The following GALNT9 variants were observed in gnomAD, a reference collection of about 807,000 sequenced individuals.
The protein encoded by GALNT9 is GalNAc transferase 9.
Under a neutral mutation model 63.1 loss-of-function variants are expected in GALNT9, and 47 were observed. The observed-to-expected ratio is 0.75, with a 90% CI of 0.59 to 0.95. GALNT9 has a LOEUF of 0.95. GALNT9 is among the 40% of genes least tolerant of loss of function. The pLI, the probability that GALNT9 is intolerant of heterozygous loss-of-function variation, is 0.00. For synonymous variants in GALNT9, 396 were observed against 365.7 expected, an observed-to-expected ratio of 1.08 and a Z score of -0.94; for missense variants, 829 against 874.8, an observed-to-expected ratio of 0.95 and a Z score of 0.66.
intron 1 of GALNT9, among the ~76,000 whole-genome samples, chr12:132,293,846 A>G (rs1555243001): frequency 6.6e-6 from 1 of 152,122 alleles, no homozygotes; most frequent in Non-Finnish European, 1.5e-5. Context: ...GATCCCGTGT[A>G]GAGTCAGGGC....
intron 6 of GALNT9, chr12:132,240,861 C>G: frequency 2.6e-6 from 1 of 386,676 alleles, no homozygotes; most frequent in African/African-American, 2.1e-5. Context: ...CACCCCCTTC[C>G]CAGGGCCGTC....
chr12:132,211,414 C>T lies in GALNT9; in HGVS notation c.1078-7724G>A, dbSNP rs556406347. ...ATGATTTAAAGTTCATGATCCGAAA[C>T]TGTAATTACTTTTGCACCGACCTAG... On this transcript the variant is annotated intron_variant, in intron 6 of 10. Coordinates refer to ENST00000328957, the MANE Select transcript of GALNT9 (RefSeq NM_001122636.2). Among the ~76,000 whole-genome samples, 8 of 152,296 alleles carry T rather than the reference C, an allele frequency of 5.3e-5. No homozygotes were observed. In the East Asian group the frequency reaches 1.5e-3, roughly 29 times the overall value.
chr12:132,203,711 G>A (rs779964669), intron 6 of GALNT9, 21 bp from the exon 7 acceptor site: 29 of 1,605,398 alleles, frequency 1.8e-5, no homozygotes, highest in African/African-American at 2.7e-5. Flanking sequence ...ACGGCGCTGG[G>A]TGCCGGCGTC....
At chr12:132,278,933 T>A (rs1369469628) in intron 2 of GALNT9, 1 of 152,224 alleles carries the variant, frequency 6.6e-6, no homozygotes, top group Non-Finnish European at 1.5e-5. Context: ...TGCCCCCTGG[T>A]GTGGATGCTG....
At chr12:132,217,870 T>C in intron 6 of GALNT9, among the ~76,000 whole-genome samples, 1 of 149,626 alleles carries the variant, frequency 6.7e-6, no homozygotes, top group African/African-American at 2.5e-5. Flanking sequence ...ACCTACTCAC[T>C]CACCCACCTA....
chr12:132,254,875 G>A (rs1016340005), intron 5 of GALNT9, among the ~76,000 whole-genome samples: 4 of 152,200 alleles, frequency 2.6e-5, no homozygotes, highest in African/African-American at 7.2e-5. Context: ...TGCCGGGAGC[G>A]GCTGTTGGGA....
intron 6 of GALNT9, among the ~76,000 whole-genome samples, chr12:132,217,947 T>C (rs1450806492): frequency 9.5e-6 from 1 of 105,726 alleles, no homozygotes; most frequent in African/African-American, 3.8e-5. Context: ...ACCCACCCAC[T>C]CACCACTCAT....
At chr12:132,306,897 C>T (rs2135580644) in intron 1 of GALNT9, among the ~76,000 whole-genome samples, 1 of 152,270 alleles carries the variant, frequency 6.6e-6, no homozygotes, top group East Asian at 1.9e-4. Flanking sequence ...CGAGGGAGCG[C>T]ACTGTTCTAA....
At chr12:132,199,950 C>G (rs1251167891) in intron 8 of GALNT9, among the ~76,000 whole-genome samples, 1 of 152,234 alleles carries the variant, frequency 6.6e-6, no homozygotes, top group Non-Finnish European at 1.5e-5. Context: ...AGAGGTCACA[C>G]AGGTTTGAAT....
intron 1 of GALNT9, among the ~76,000 whole-genome samples, chr12:132,323,147 G>A (rs1868879928): frequency 6.6e-6 from 1 of 152,254 alleles, no homozygotes; most frequent in African/African-American, 2.4e-5. Context: ...ATCTGACATG[G>A]AAATTTACAG....
In GALNT9 at chr12:132,310,482, G is replaced by A. The variant is rs1262665685; in HGVS notation, c.238+18484C>T. Among the ~76,000 whole-genome samples, 25 of 152,110 alleles carry A rather than the reference G, an allele frequency of 1.6e-4. No homozygotes were observed. Among genetic ancestry groups the A allele is most frequent in the Admixed American group, 9.2e-4 (14 of 15,278 alleles). On this transcript the variant is annotated intron_variant, in intron 1 of 10. Coordinates refer to ENST00000328957, the MANE Select transcript of GALNT9 (RefSeq NM_001122636.2). This position sits in a 1 kb window ranked among gnomAD's most constrained non-coding sequence, Gnocchi z 4.8. ...ATCTCCTGGAGGCTGAGAGCCCTCC[G>A]GGAAAGCAGGCATTTCTGCCGGCTT...
chr12:132,310,294 C>T lies in GALNT9; in HGVS notation c.238+18672G>A, dbSNP rs76182215. On this transcript the variant is annotated intron_variant, in intron 1 of 10. Transcript: ENST00000328957. This position sits in a 1 kb window ranked among gnomAD's most constrained non-coding sequence, Gnocchi z 4.8. Reference sequence around the variant, plus strand: ...GGCATTTCAGTTGGGGTCGGTAACACGCAGAAGTAAAGGAACTGAGGCATG... The same window carrying T: ...GGCATTTCAGTTGGGGTCGGTAACATGCAGAAGTAAAGGAACTGAGGCATG... Among the ~76,000 whole-genome samples, 1,017 of 152,248 alleles carry T rather than the reference C, an allele frequency of 6.7e-3. 6 individuals carry two copies. Among genetic ancestry groups the T allele is most frequent in the Middle Eastern group, 0.014 (4 of 294 alleles).
chr12:132,243,475 G>A (rs1555237700), intron 6 of GALNT9, among the ~76,000 whole-genome samples: 1 of 149,480 alleles, frequency 6.7e-6, no homozygotes, highest in Non-Finnish European at 1.5e-5. Flanking sequence ...CGACCTGAAG[G>A]TCAGGGCATC....
rs1041964163 is a variant in GALNT9, at chr12:132,262,507, A to T, written c.538T>A (p.Ser180Thr). Residue 180 changes from serine to threonine, a missense_variant, in exon 3 of 11, where the codon TCC (serine) becomes ACC (threonine). Ser to Thr is a moderately conservative substitution (Grantham distance 58). Transcript: ENST00000328957. ...SVHSVVNHTP[S>T]QLLKEVILVD... is the part of the protein sequence containing the mutation. ...AGGATGACCTCCTTGAGGAGCTGGG[A>T]GGGCGTGTGGTTGACCACGCTGTGC... The T allele has an allele frequency of 3.9e-6, 6 of 1,551,204 alleles. No homozygotes were observed. The African/African-American group carries it at 5.5e-5, about 14-fold the overall frequency.
Position 132,304,983 on chromosome 12 carries a change from G to A in GALNT9, c.239-18553C>T, listed in dbSNP as rs1408691507. On this transcript the variant is annotated intron_variant, in intron 1 of 10. Coordinates refer to ENST00000328957, the MANE Select transcript of GALNT9 (RefSeq NM_001122636.2). ...CCCTCACCCGGGCACACCCTCACCC[G>A]GGCACACCCTCACCCGGGCACATCC... Among the ~76,000 whole-genome samples, 53 of 27,296 alleles carry A rather than the reference G, an allele frequency of 1.9e-3. 10 individuals carry two copies. Among genetic ancestry groups the A allele is most frequent in the African/African-American group, 7.7e-3 (44 of 5,686 alleles). The allele number at this position is 27,296 out of a possible 152,430, so 17.9% of individuals were successfully genotyped here. A position where few individuals can be genotyped will look rare whatever the true frequency, so the allele number is the denominator to read the frequency against.
chr12:132,221,350 C>CCA (rs1745105713), intron 6 of GALNT9, among the ~76,000 whole-genome samples: 2 of 46,806 alleles, frequency 4.3e-5, no homozygotes, highest in African/African-American at 2.3e-4. Flanking sequence ...AGATTGTGTC[C>CCA]AAAAAAAAAA....
At chr12:132,288,803 C>A (rs1270845005) in intron 1 of GALNT9, among the ~76,000 whole-genome samples, 1 of 134,998 alleles carries the variant, frequency 7.4e-6, no homozygotes, top group Non-Finnish European at 1.5e-5. Flanking sequence ...GCGTTGGAAC[C>A]GGCAGGAGGG....
intron 6 of GALNT9, among the ~76,000 whole-genome samples, chr12:132,237,009 C>T (rs1216230042): frequency 1.3e-5 from 2 of 152,168 alleles, no homozygotes; most frequent in African/African-American, 4.8e-5. Flanking sequence ...TGCTCCATGG[C>T]CCATGGGATT....
At position 132,279,753 on chromosome 12, in the gene GALNT9, C is replaced by T. The variant is rs1229546523; in HGVS notation, c.419+6497G>A. The T allele has an allele frequency of 5.3e-5, 8 of 152,366 alleles. No individual in the cohort carries two copies. Among genetic ancestry groups the T allele is most frequent in the Admixed American group, 5.2e-4 (8 of 15,298 alleles). The allele number at this position is 152,366 out of a possible 1,614,324, so 9.4% of individuals were successfully genotyped here. On this transcript the variant is annotated intron_variant, in intron 2 of 10. Transcript: ENST00000328957. The surrounding 1 kb of genome is among the most constrained non-coding windows in gnomAD (Gnocchi z 4.1). ...AAGAACATCCCAGTGCGGTCACTTC[C>T]TGGATCCAATTCCTGGATGCCCAGT... is the stretch of plus-strand genomic sequence containing the variant.
Sources: allele counts gnomAD v4.1 joint callset (sites outside exome capture counted in the v4.1 genomes callset), GRCh38; gene constraint gnomAD v4.1.1; non-coding constraint Gnocchi (gnomAD v3.1); transcripts MANE v1.5; gene names NCBI Gene and HGNC (gene_info 2026-07-23, HGNC 2026-07-21).